Variants in DNAJC19 observed in about 807,000 individuals in gnomAD.
DNAJC19 encodes the protein mitochondrial import inner membrane translocase subunit TIM14.
In DNAJC19, 15 loss-of-function variants were observed where a neutral mutation model predicts 19.8. The observed-to-expected ratio is 0.76, with a 90% CI of 0.51 to 1.17. DNAJC19 has a LOEUF of 1.17. Among genes scored for constraint, DNAJC19 ranks in the 50% most tolerant of loss-of-function variants. The probability of loss-of-function intolerance (pLI) is 0.00; values close to 1 mark genes in which losing one functional copy is unlikely to be tolerated. For missense variants in DNAJC19, 105 were observed against 140.9 expected (o/e 0.75, Z 1.29); for synonymous variants, 38 against 42.1 (o/e 0.90, Z 0.38).
In DNAJC19 at chr3:180,986,722, T is replaced by A. The variant is rs2108508648; in HGVS notation, c.209+221A>T. 5.5e-6 allele frequency: 3 copies of A among 543,456 alleles called. No homozygotes were observed. The South Asian group carries it at 7.5e-5, about 14-fold the overall frequency. 33.7% of individuals were successfully genotyped at this position (543,456 alleles called of 1,614,324 possible). A position where few individuals can be genotyped will look rare whatever the true frequency, so the allele number is the denominator to read the frequency against. ...AAACACTCTAGGAAAAAAGAAAAAG[T>A]GCTTAAGTGCTAGTGTGCCTTCTCA... On this transcript the variant is annotated intron_variant, in intron 4 of 5. Transcript: ENST00000382564.
At position 180,984,697 on chromosome 3, in the gene DNAJC19, A is replaced by T. The variant is rs1341031598; in HGVS notation, c.294T>A (p.Tyr98Ter). The change falls in exon 6 of 6, where the codon TAT (tyrosine) becomes TAA (stop). Residue 98 changes from tyrosine to a stop codon, truncating the protein, a stop_gained. Transcript: ENST00000382564. LOFTEE classifies it high-confidence loss of function. ...TAGCTTCATTGATTTTGGCTGCTAT[A>T]TAAGGAGATCCTCCTATAGGAAGAA... is the stretch of plus-strand genomic sequence containing the variant. ...LNHPDKGGSP[Y>*]IAAKINEAKD... 3.1e-6 allele frequency: 5 copies of T among 1,607,480 alleles called. No individual in the cohort carries two copies. In the Admixed American group the frequency reaches 8.4e-5, roughly 27 times the overall value.
At position 180,984,091 on chromosome 3, in the gene DNAJC19, T is replaced by C. The variant is rs769028541; in HGVS notation, c.*549A>G. 19 of 453,816 alleles carry C rather than the reference T, an allele frequency of 4.2e-5. No homozygotes were observed. Among genetic ancestry groups the C allele is most frequent in the South Asian group, 2.9e-4 (19 of 64,476 alleles). The allele number at this position is 453,816 out of a possible 1,614,324, so 28.1% of individuals were successfully genotyped here. A position where few individuals can be genotyped will look rare whatever the true frequency, so the allele number is the denominator to read the frequency against. On this transcript the variant is annotated 3_prime_UTR_variant, in exon 6 of 6. Coordinates refer to ENST00000382564, the MANE Select transcript of DNAJC19 (RefSeq NM_145261.4). ...GAAATAAAAATGGTTTATATGTACATAGAATACACACACACACACACCCCT... is the reference window on the plus strand; with the variant it reads ...GAAATAAAAATGGTTTATATGTACACAGAATACACACACACACACACCCCT...
At chr3:180,987,672 G>C (rs909427856) in intron 3 of DNAJC19, 5 of 356,334 alleles carry the variant, frequency 1.4e-5, no homozygotes, top group Admixed American at 1.2e-4. Flanking sequence ...CACATGGTCA[G>C]ATCGGATCAC....
intron 1 of DNAJC19, 115 bp downstream of exon 1, chr3:180,989,485 C>T (rs2060451571): frequency 5.2e-6 from 8 of 1,541,118 alleles, no homozygotes; most frequent in Non-Finnish European, 7.0e-6. Flanking sequence ...TAACCGAAAC[C>T]TCCCGCCCGC....
intron 4 of DNAJC19, 138 bp downstream of exon 4, chr3:180,986,805 T>C: frequency 2.7e-6 from 2 of 735,842 alleles, no homozygotes; most frequent in Non-Finnish European, 4.8e-6. Flanking sequence ...GTTTCATTGA[T>C]TAGAATTGGT....
intron 5 of DNAJC19, 181 bp downstream of exon 5, chr3:180,985,745 G>C: frequency 1.6e-6 from 1 of 612,030 alleles, no homozygotes; most frequent in Non-Finnish European, 2.9e-6. Context: ...TGCTCATTCT[G>C]TAAGTAAAGT....
At chr3:180,989,364 GAGCCCGTGCGGACAAGA>G in intron 1 of DNAJC19, 1 of 1,426,500 alleles carries the variant, frequency 7.0e-7, no homozygotes. Flanking sequence ...AACACCTGCA[GAGCCCGTGCGGACAAGA>G]AGCTGGAGAA....
chr3:180,984,632 C>A lies in DNAJC19; in HGVS notation c.*8G>T. 2 of 1,586,414 alleles carry A rather than the reference C, an allele frequency of 1.3e-6. No individual in the cohort carries two copies. The highest frequency in any genetic ancestry group is 1.7e-6 in the Non-Finnish European group (2 of 1,159,168). On this transcript the variant is annotated 3_prime_UTR_variant, in exon 6 of 6. Transcript: ENST00000382564. ...TAATACGAACTTAAAATTCATCATA[C>A]ATTTACTTCATTTTTTAGCTTGACC...
At chr3:180,986,874 G>T in intron 4 of DNAJC19, 69 bp downstream of exon 4, 1 of 1,319,194 alleles carries the variant, frequency 7.6e-7, no homozygotes, top group Non-Finnish European at 1.1e-6. Flanking sequence ...AGGAGAGAAG[G>T]TCTTTCTTAT....
chr3:180,985,679 A>G, intron 5 of DNAJC19: 1 of 457,620 alleles, frequency 2.2e-6, no homozygotes, highest in African/African-American at 1.9e-5. Flanking sequence ...CGTTTTAATT[A>G]TAATAAATGT....
At chr3:180,987,330 G>A (rs1714962755) in intron 3 of DNAJC19, 1 of 357,788 alleles carries the variant, frequency 2.8e-6, no homozygotes, top group Non-Finnish European at 5.2e-6. Context: ...TTCCAAATTA[G>A]CCATATTCTA....
At chr3:180,985,717 A>C in intron 5 of DNAJC19, 1 of 543,404 alleles carries the variant, frequency 1.8e-6, no homozygotes, top group African/African-American at 1.9e-5. Context: ...AAAACATAGT[A>C]ATAGTAGCAC....
At chr3:180,988,695 A>G (rs1312698469) in intron 1 of DNAJC19, among the ~76,000 whole-genome samples, 2 of 152,038 alleles carry the variant, frequency 1.3e-5, no homozygotes, top group Non-Finnish European at 2.9e-5. Flanking sequence ...AAGTCACATT[A>G]AAGTTCAATC....
intron 1 of DNAJC19, chr3:180,989,308 T>C (rs1295913880): frequency 2.9e-6 from 4 of 1,394,778 alleles, no homozygotes; most frequent in Non-Finnish European, 3.7e-6. Flanking sequence ...TCCACTAATC[T>C]CCGAGTCCAT....
At chr3:180,985,727 C>G (rs1237897234) in intron 5 of DNAJC19, 199 bp downstream of exon 5, 1 of 581,606 alleles carries the variant, frequency 1.7e-6, no homozygotes, top group Admixed American at 2.9e-5. Flanking sequence ...AATAGTAGCA[C>G]TTACATCTGC....
intron 4 of DNAJC19, 87 bp downstream of exon 4, chr3:180,986,856 C>T: frequency 8.9e-7 from 1 of 1,118,414 alleles, no homozygotes; most frequent in Non-Finnish European, 1.4e-6. Flanking sequence ...ATGACCCTCT[C>T]CTATTAAAGG....
rs749953478 is a variant in DNAJC19, at chr3:180,989,709, C to T, written c.-107G>A. On this transcript the variant is annotated 5_prime_UTR_variant, in exon 1 of 6. Coordinates refer to ENST00000382564, the MANE Select transcript of DNAJC19 (RefSeq NM_145261.4). ...TACCAGAGAGCGACGCAACCCCCAACCTCAAGCACAGGCGCCCTACGCAAC... is the reference window on the plus strand; with the variant it reads ...TACCAGAGAGCGACGCAACCCCCAATCTCAAGCACAGGCGCCCTACGCAAC... 22 of 1,536,554 alleles carry T rather than the reference C, an allele frequency of 1.4e-5. 1 individual carries two copies. In the South Asian group the frequency reaches 1.8e-4, roughly 12 times the overall value.
intron 3 of DNAJC19, 90 bp from the exon 4 acceptor site, chr3:180,987,112 A>G: frequency 2.5e-6 from 3 of 1,178,972 alleles, no homozygotes; most frequent in Non-Finnish European, 3.8e-6. Flanking sequence ...AACTAAGAAA[A>G]ACTAAGACAT....
intron 3 of DNAJC19, chr3:180,987,249 ACTAT>A (rs1714958997): frequency 1.8e-6 from 1 of 558,794 alleles, no homozygotes; most frequent in Non-Finnish European, 3.2e-6. Flanking sequence ...GTCAATATGA[ACTAT>A]CTTAGAAATA....
Sources: allele counts gnomAD v4.1 joint callset (sites outside exome capture counted in the v4.1 genomes callset), GRCh38; gene constraint gnomAD v4.1.1; transcripts MANE v1.5; gene names NCBI Gene and HGNC (gene_info 2026-07-23, HGNC 2026-07-21).